INSYN2B: variants seen among roughly 807,000 people sequenced by gnomAD.
The protein encoded by INSYN2B is inhibitory synaptic factor family member 2B.
Under a neutral mutation model 41.2 loss-of-function variants are expected in INSYN2B, and 16 were observed. The observed-to-expected ratio is 0.39, with a 90% CI of 0.26 to 0.59. The LOEUF is 0.59. INSYN2B is among the 20% of genes least tolerant of loss of function. The pLI is 0.57. For synonymous variants in INSYN2B, 245 were observed against 244.4 expected (o/e 1.00, Z -0.02); for missense variants, 608 against 646.4 (o/e 0.94, Z 0.64).
chr5:169,948,310 C>A (rs537954165), intron 1 of INSYN2B, among the ~76,000 whole-genome samples: 1 of 152,150 alleles, frequency 6.6e-6, no homozygotes, highest in East Asian at 1.9e-4. Context: ...AAAAGGTAAA[C>A]AAATACACAT....
At position 169,864,443 on chromosome 5, in the gene INSYN2B, G is replaced by A. The variant is rs1425113567; in HGVS notation, c.1438C>T (p.Arg480Trp). 1.0e-5 allele frequency: 16 copies of A among 1,543,558 alleles called. No homozygotes were observed. The South Asian group carries it at 1.3e-4, about 13-fold the overall frequency. ...CIIYSVEYDF[R>W]QQEGRFHEVL... Reference sequence around the variant, plus strand: ...TCATGGAACCTGCCTTCCTGCTGCCGAAAATCATACTCTACACTGAAAAAC... The same window carrying A: ...TCATGGAACCTGCCTTCCTGCTGCCAAAAATCATACTCTACACTGAAAAAC... Residue 480 changes from arginine (R) to tryptophan (W), a missense_variant, in exon 4 of 4, where the codon CGG becomes TGG. Coordinates refer to ENST00000377365, the MANE Select transcript of INSYN2B (RefSeq NM_001129891.3).
rs568844910 is a variant in INSYN2B, at chr5:169,862,586, A to G, written c.*1687T>C. ...CTTCTTAAGTATGACAAGTGTATTT[A>G]TCTTAATTCTAACATGACGTTATAT... On this transcript the variant is annotated 3_prime_UTR_variant, in exon 4 of 4. Transcript: ENST00000377365. Among the ~76,000 whole-genome samples the G allele has an allele frequency of 1.5e-4, 23 of 152,356 alleles. No individual in the cohort carries two copies. The highest frequency in any genetic ancestry group is 5.5e-4 in the African/African-American group (23 of 41,580).
chr5:169,956,298 G>A (rs1776863185), intron 1 of INSYN2B, among the ~76,000 whole-genome samples: 1 of 152,180 alleles, frequency 6.6e-6, no homozygotes, highest in South Asian at 2.1e-4. Context: ...GGAGTGCCTG[G>A]GAGCGGCTAG....
At position 169,884,029 on chromosome 5, in the gene INSYN2B, C is replaced by T. The variant is rs1232018349; in HGVS notation, c.-131G>A. On this transcript the variant is annotated 5_prime_UTR_variant, in exon 2 of 4. Transcript: ENST00000377365. ...CTGGCCAGGATGGAGTGGTCCTCTC[C>T]TCTTAGTATGGGAAATCCTGTTGGC... 1.2e-5 allele frequency: 10 copies of T among 814,652 alleles called. No homozygotes were observed. Among genetic ancestry groups the T allele is most frequent in the Non-Finnish European group, 1.8e-5 (10 of 569,378 alleles). 50.5% of individuals were successfully genotyped at this position (814,652 alleles called of 1,614,324 possible).
intron 1 of INSYN2B, among the ~76,000 whole-genome samples, chr5:169,955,897 T>C (rs1690713507): frequency 6.6e-6 from 1 of 152,194 alleles, no homozygotes; most frequent in African/African-American, 2.4e-5. Context: ...TGGCTCATTG[T>C]ACTGCTCAAG....
At chr5:169,942,637 T>C (rs1333377203) in intron 1 of INSYN2B, among the ~76,000 whole-genome samples, 1 of 152,204 alleles carries the variant, frequency 6.6e-6, no homozygotes, top group African/African-American at 2.4e-5. Context: ...GCAGCTCTTA[T>C]GAGTTGAGGA....
intron 1 of INSYN2B, among the ~76,000 whole-genome samples, chr5:169,927,086 A>C (rs1480999093): frequency 1.3e-5 from 2 of 152,230 alleles, no homozygotes; most frequent in Non-Finnish European, 2.9e-5. Flanking sequence ...AATATGCTAC[A>C]TGAAGAGTGG....
chr5:169,943,811 C>A lies in INSYN2B; in HGVS notation c.-919+36466G>T, dbSNP rs79629794. Among the ~76,000 whole-genome samples, 119 of 152,258 alleles carry A rather than the reference C, an allele frequency of 7.8e-4. 2 individuals are homozygous for A. In the East Asian group the frequency reaches 0.018, roughly 23 times the overall value. On this transcript the variant is annotated intron_variant, in intron 1 of 3. Coordinates refer to ENST00000377365, the MANE Select transcript of INSYN2B (RefSeq NM_001129891.3). ...CCAGGGACCTGTGTTTTAGCCAGCCCCCAAGGTGACTCTGACGCTCATTAA... is the reference window on the plus strand; with the variant it reads ...CCAGGGACCTGTGTTTTAGCCAGCCACCAAGGTGACTCTGACGCTCATTAA...
At chr5:169,933,912 C>G (rs997371163) in intron 1 of INSYN2B, among the ~76,000 whole-genome samples, 2 of 152,248 alleles carry the variant, frequency 1.3e-5, no homozygotes, top group Non-Finnish European at 2.9e-5. Context: ...GAACAAACTA[C>G]TGGTGTCGCC....
intron 1 of INSYN2B, among the ~76,000 whole-genome samples, chr5:169,951,590 C>T (rs1051578167): frequency 1.3e-5 from 2 of 152,122 alleles, no homozygotes; most frequent in Non-Finnish European, 2.9e-5. Flanking sequence ...CCCATTCATT[C>T]AACAGATAGT....
At chr5:169,873,987 C>T (rs946993691) in intron 3 of INSYN2B, among the ~76,000 whole-genome samples, 20 of 152,292 alleles carry the variant, frequency 1.3e-4, no homozygotes, top group East Asian at 3.9e-4. Context: ...GTGAGGGGGA[C>T]GTGCTAGGAA....
At chr5:169,948,032 C>A (rs1776514694) in intron 1 of INSYN2B, among the ~76,000 whole-genome samples, 1 of 152,142 alleles carries the variant, frequency 6.6e-6, no homozygotes, top group South Asian at 2.1e-4. Context: ...TGGGGCTGAT[C>A]CTACCTTCAG....
intron 1 of INSYN2B, among the ~76,000 whole-genome samples, chr5:169,946,272 A>G (rs1319356445): frequency 6.6e-6 from 1 of 152,086 alleles, no homozygotes; most frequent in Non-Finnish European, 1.5e-5. Flanking sequence ...CCAGCCCCCC[A>G]CATCCAGCCC....
At chr5:169,958,959 G>A (rs1031915603) in intron 1 of INSYN2B, among the ~76,000 whole-genome samples, 5 of 152,176 alleles carry the variant, frequency 3.3e-5, no homozygotes, top group African/African-American at 9.7e-5. Flanking sequence ...AATGAGGCAG[G>A]TTCCTAGAAT....
At chr5:169,895,500 GA>G (rs1312921752) in intron 1 of INSYN2B, among the ~76,000 whole-genome samples, 1 of 152,030 alleles carries the variant, frequency 6.6e-6, no homozygotes, top group Non-Finnish European at 1.5e-5. Flanking sequence ...TGCCCCTAGA[GA>G]AAAGCAGCCA....
intron 3 of INSYN2B, among the ~76,000 whole-genome samples, chr5:169,876,508 C>G (rs2113481322): frequency 6.6e-6 from 1 of 152,338 alleles, no homozygotes; most frequent in Middle Eastern, 3.4e-3. Context: ...TTTCCCACTA[C>G]AGTCAGGACA....
chr5:169,942,976 G>C (rs1402309691), intron 1 of INSYN2B, among the ~76,000 whole-genome samples: 2 of 152,170 alleles, frequency 1.3e-5, no homozygotes, highest in Admixed American at 1.3e-4. Flanking sequence ...CTGGCAAATC[G>C]TATGCGTGGG....
chr5:169,914,678 G>A (rs1774781664), intron 1 of INSYN2B, among the ~76,000 whole-genome samples: 1 of 152,184 alleles, frequency 6.6e-6, no homozygotes. Context: ...GTAGTAACCT[G>A]GGCCCACATC....
chr5:169,930,182 G>C (rs113765679), intron 1 of INSYN2B, among the ~76,000 whole-genome samples: 1 of 152,034 alleles, frequency 6.6e-6, no homozygotes, highest in Admixed American at 6.5e-5. Context: ...GTAGAGATGG[G>C]GGTTTCACCA....
Sources: allele counts gnomAD v4.1 joint callset (sites outside exome capture counted in the v4.1 genomes callset), GRCh38; gene constraint gnomAD v4.1.1; transcripts MANE v1.5; gene names NCBI Gene and HGNC (gene_info 2026-07-23, HGNC 2026-07-21).